Variants in RIC1 observed in about 807,000 individuals in gnomAD.
RIC1 encodes the protein guanine nucleotide exchange factor subunit RIC1.
In RIC1, 88 loss-of-function variants were observed where a neutral mutation model predicts 169.0. The observed-to-expected ratio is 0.52, with a 90% CI of 0.44 to 0.62. RIC1 has a LOEUF of 0.62. Among genes scored for constraint, RIC1 ranks in the 20% least tolerant of loss-of-function variants. RIC1 has a pLI of 0.00. For missense variants in RIC1, 1,877 were observed against 1,725.5 expected (o/e 1.09, Z -1.56); for synonymous variants, 790 against 601.5 (o/e 1.31, Z -4.59).
chr9:5,738,426 A>T (rs753534817), intron 7 of RIC1, 24 bp from the exon 8 acceptor site: 1 of 1,516,224 alleles, frequency 6.6e-7, no homozygotes, highest in South Asian at 1.2e-5. Context: ...TTTCACTAAA[A>T]GTTTTTCGTT....
intron 1 of RIC1, among the ~76,000 whole-genome samples, chr9:5,639,043 A>G (rs140162918): frequency 2.0e-4 from 30 of 152,168 alleles, no homozygotes; most frequent in Non-Finnish European, 2.8e-4. Flanking sequence ...AGCCCCCTAA[A>G]TAGTTGGGAC....
intron 4 of RIC1, among the ~76,000 whole-genome samples, chr9:5,718,190 G>T (rs1446470912): frequency 1.4e-5 from 2 of 146,970 alleles, no homozygotes; most frequent in African/African-American, 2.5e-5. Flanking sequence ...TTATATAGGT[G>T]GAAAATAAAG....
chr9:5,659,499 A>G (rs1327615144), intron 2 of RIC1, among the ~76,000 whole-genome samples: 2 of 152,186 alleles, frequency 1.3e-5, no homozygotes, highest in Non-Finnish European at 2.9e-5. Context: ...AGTTTTGACT[A>G]TTCTGAGCCA....
At chr9:5,634,804 G>A (rs1283662478) in intron 1 of RIC1, among the ~76,000 whole-genome samples, 1 of 151,990 alleles carries the variant, frequency 6.6e-6, no homozygotes, top group Non-Finnish European at 1.5e-5. Flanking sequence ...ATGTCAGGGT[G>A]TTTTTCCCCT....
intron 1 of RIC1, among the ~76,000 whole-genome samples, chr9:5,630,724 C>T (rs553051472): frequency 1.3e-5 from 2 of 151,940 alleles, no homozygotes; most frequent in Admixed American, 1.3e-4. Flanking sequence ...TTGTCTAGTG[C>T]CTGATTGTAT....
In RIC1 at chr9:5,769,102, A is replaced by T. The variant is rs1827011343; in HGVS notation, c.3270A>T (p.Leu1090=). The change falls in exon 22 of 26, where the codon CTA becomes CTT. Residue 1090 remains leucine, a synonymous_variant. Coordinates refer to ENST00000414202, the MANE Select transcript of RIC1 (RefSeq NM_020829.4). ...GCFAAQLGFE[L]ISWLCKERTR... ...TTGCAGCCCAGCTGGGCTTTGAACT[A>T]ATTAGTTGGCTATGCAAGGAACGTA... 1 of 1,614,088 alleles carries T rather than the reference A, an allele frequency of 6.2e-7. No homozygotes were observed. The highest frequency in any genetic ancestry group is 8.5e-7 in the Non-Finnish European group (1 of 1,179,972).
chr9:5,717,251 A>G (rs1305174278), intron 4 of RIC1, among the ~76,000 whole-genome samples: 1 of 152,054 alleles, frequency 6.6e-6, no homozygotes, highest in East Asian at 1.9e-4. Flanking sequence ...TTGTCAGACG[A>G]TTGTTGAGTT....
chr9:5,720,087 CA>C lies in RIC1; in HGVS notation c.441-94del. On this transcript the variant is annotated intron_variant, in intron 4 of 25. Transcript: ENST00000414202. The stretch of plus-strand genomic sequence containing the variant: ...GATGTTTTGTAAATGGTTTCATGAT[CA>C]TTTTTGCATGAGTATTCTCTAAAGC... 5 of 880,822 alleles carry C rather than the reference CA, an allele frequency of 5.7e-6. No homozygotes were observed. In the South Asian group the frequency reaches 1.0e-4, roughly 18 times the overall value. 54.6% of individuals were successfully genotyped at this position (880,822 alleles called of 1,614,324 possible).
At chr9:5,659,395 G>T (rs1819310397) in intron 2 of RIC1, among the ~76,000 whole-genome samples, 2 of 152,092 alleles carry the variant, frequency 1.3e-5, no homozygotes, top group African/African-American at 4.8e-5. Context: ...TCAACCCATT[G>T]TAAGTTGAAA....
chr9:5,662,458 C>T (rs1586901457), intron 2 of RIC1, among the ~76,000 whole-genome samples: 1 of 139,492 alleles, frequency 7.2e-6, no homozygotes, highest in East Asian at 2.6e-4. Context: ...ATCTGTCTGT[C>T]CTGGGCTGGT....
At chr9:5,651,968 G>C (rs149630079) in intron 1 of RIC1, among the ~76,000 whole-genome samples, 63 of 152,276 alleles carry the variant, frequency 4.1e-4, no homozygotes, top group East Asian at 1.2e-3. Flanking sequence ...CCATTTATTA[G>C]ATTATCCTTT....
chr9:5,649,346 C>T (rs536635011), intron 1 of RIC1, among the ~76,000 whole-genome samples: 1 of 152,236 alleles, frequency 6.6e-6, no homozygotes, highest in Admixed American at 6.5e-5. Context: ...TCAAATAGAT[C>T]ACTTTATGGT....
chr9:5,761,677 C>G (rs1170814294), intron 17 of RIC1, among the ~76,000 whole-genome samples: 1 of 152,020 alleles, frequency 6.6e-6, no homozygotes, highest in Admixed American at 6.5e-5. Flanking sequence ...CCTTTCATGT[C>G]TAGGATAGCA....
intron 1 of RIC1, among the ~76,000 whole-genome samples, chr9:5,633,964 A>G (rs1369574797): frequency 1.3e-5 from 2 of 152,130 alleles, no homozygotes; most frequent in Non-Finnish European, 2.9e-5. Flanking sequence ...TGACGTCTTT[A>G]TATTCCATAT....
intron 3 of RIC1, among the ~76,000 whole-genome samples, chr9:5,696,423 G>A (rs545281233): frequency 6.6e-6 from 1 of 151,960 alleles, no homozygotes; most frequent in South Asian, 2.1e-4. Flanking sequence ...TTTTATGTAA[G>A]AAATTTATCT....
intron 2 of RIC1, among the ~76,000 whole-genome samples, chr9:5,657,031 C>G (rs1320710794): frequency 6.6e-6 from 1 of 151,966 alleles, no homozygotes; most frequent in African/African-American, 2.4e-5. Flanking sequence ...TTTGACTCTG[C>G]TGCTTCCTTC....
At chr9:5,684,810 C>G (rs938811319) in intron 2 of RIC1, among the ~76,000 whole-genome samples, 1 of 152,088 alleles carries the variant, frequency 6.6e-6, no homozygotes, top group Non-Finnish European at 1.5e-5. Flanking sequence ...TTTTATAAAT[C>G]TCTTTCATCC....
At chr9:5,708,494 AT>A (rs1822737887) in intron 3 of RIC1, among the ~76,000 whole-genome samples, 1 of 152,056 alleles carries the variant, frequency 6.6e-6, no homozygotes, top group Non-Finnish European at 1.5e-5. Context: ...CTTTTTGTTT[AT>A]CTGGAAATTC....
At chr9:5,721,345 G>C (rs1209073784) in intron 6 of RIC1, among the ~76,000 whole-genome samples, 1 of 152,114 alleles carries the variant, frequency 6.6e-6, no homozygotes, top group African/African-American at 2.4e-5. Context: ...TGAAAGGTGA[G>C]GAGAGCAGAA....
Sources: allele counts gnomAD v4.1 joint callset (sites outside exome capture counted in the v4.1 genomes callset), GRCh38; gene constraint gnomAD v4.1.1; transcripts MANE v1.5; gene names NCBI Gene and HGNC (gene_info 2026-07-23, HGNC 2026-07-21).